The following PTPRT variants were observed in gnomAD, a reference collection of about 807,000 sequenced individuals.
The protein encoded by PTPRT is receptor-type tyrosine-protein phosphatase T.
In PTPRT, 56 loss-of-function variants were observed where a neutral mutation model predicts 176.8. That is an observed-to-expected ratio of 0.32 (90% CI 0.26 to 0.40). The LOEUF (loss-of-function observed/expected upper bound fraction) is 0.40, where lower values mean the gene tolerates loss of function less well. Among genes scored for constraint, PTPRT ranks in the 10% least tolerant of loss-of-function variants. The pLI is 1.00. For synonymous variants in PTPRT, 783 were observed against 739.0 expected, an observed-to-expected ratio of 1.06 and a Z score of -0.96; for missense variants, 1,540 against 1,908.2, an observed-to-expected ratio of 0.81 and a Z score of 3.60.
intron 7 of PTPRT, among the ~76,000 whole-genome samples, chr20:42,474,977 A>G (rs537499683): frequency 6.6e-6 from 1 of 152,320 alleles, no homozygotes; most frequent in East Asian, 1.9e-4. Flanking sequence ...GGAGAAGAGG[A>G]ACACTTAAGA....
chr20:43,032,892 G>C (rs367788681), intron 1 of PTPRT, among the ~76,000 whole-genome samples: 4 of 152,146 alleles, frequency 2.6e-5, no homozygotes, highest in African/African-American at 7.2e-5. Flanking sequence ...AGATATAAAC[G>C]CATGATGTGC....
chr20:42,105,631 A>AT (rs1248356943), intron 24 of PTPRT, among the ~76,000 whole-genome samples: 1 of 152,162 alleles, frequency 6.6e-6, no homozygotes, highest in Non-Finnish European at 1.5e-5. Context: ...GCATTTGAAT[A>AT]TGTCTCCCCA....
intron 1 of PTPRT, among the ~76,000 whole-genome samples, chr20:42,942,575 T>C: frequency 6.6e-6 from 1 of 152,220 alleles, no homozygotes; most frequent in East Asian, 1.9e-4. Context: ...AGCAGAAGCT[T>C]TATCTCGTTC....
intron 7 of PTPRT, among the ~76,000 whole-genome samples, chr20:42,539,572 A>T (rs1266316656): frequency 6.6e-6 from 1 of 151,970 alleles, no homozygotes; most frequent in Non-Finnish European, 1.5e-5. Context: ...GAAAGCATCA[A>T]ACATGAAAGA....
rs371107758 is a variant in PTPRT at position 42,170,835 on chromosome 20, A to T, written c.2492-9293T>A. Among the ~76,000 whole-genome samples the T allele has an allele frequency of 2.0e-4, 31 of 152,256 alleles. 1 individual carries two copies. The South Asian group carries it at 6.4e-3, about 32-fold the overall frequency. On this transcript the variant is annotated intron_variant, in intron 16 of 30. Coordinates refer to ENST00000373187, the MANE Select transcript of PTPRT (RefSeq NM_007050.6). Reference sequence around the variant, plus strand: ...CTTATCAGGACACAATATTAAAACAACTCATTGGCAAAATAAAAACTTAAA... The same window carrying T: ...CTTATCAGGACACAATATTAAAACATCTCATTGGCAAAATAAAAACTTAAA...
In PTPRT at chr20:42,515,480, T is replaced by TAAAAACA. The variant is rs1405579452; in HGVS notation, c.1154-42925_1154-42919dup. Among the ~76,000 whole-genome samples the TAAAAACA allele has an allele frequency of 2.6e-5, 4 of 152,120 alleles. No homozygotes were observed. In the South Asian group the frequency reaches 8.3e-4, roughly 32 times the overall value. On this transcript the variant is annotated intron_variant, in intron 7 of 30. Transcript: ENST00000373187. The stretch of plus-strand genomic sequence containing the variant: ...CCTGAGTGACAGAGCAAGACTCCAT[T>TAAAAACA]AAAAACAAAAAACAAAAAACATGGA...
rs60958847 is a variant in PTPRT at position 42,743,717 on chromosome 20, C to CA, written c.859+12744dup. 7.6e-3 allele frequency among the ~76,000 whole-genome samples: 1,157 copies of CA among 152,278 alleles called. 14 individuals carry two copies. Among genetic ancestry groups the CA allele is most frequent in the African/African-American group, 0.026 (1,098 of 41,548 alleles). ...TGGATCAAAATGAGCACATGTTGTG[C>CA]AAGGGGCATGGGTGAAGTTTAAAAA... On this transcript the variant is annotated intron_variant, in intron 6 of 30. Transcript: ENST00000373187.
rs563066720 is a variant in PTPRT at position 43,084,817 on chromosome 20, A to T, written c.88+104829T>A. On this transcript the variant is annotated intron_variant, in intron 1 of 30. Transcript: ENST00000373187. ...AACAAAAATATCAGAAGGAAATACA[A>T]CAAAATATTAAATATGGCTGTCTCT... Among the ~76,000 whole-genome samples, 4 of 152,318 alleles carry T rather than the reference A, an allele frequency of 2.6e-5. No individual in the cohort carries two copies. The South Asian group carries it at 8.3e-4, about 32-fold the overall frequency.
chr20:42,584,349 T>G (rs6072800), intron 7 of PTPRT, among the ~76,000 whole-genome samples: 53,064 of 152,022 alleles, frequency 0.35, 9,739 homozygotes, highest in South Asian at 0.53. Context: ...CCAGCCCCAC[T>G]GGCCTCCCTG....
rs116991489 is a variant in PTPRT at position 43,029,462 on chromosome 20, G to A, written c.89-143530C>T. ...TCCAGAAACAAATCAGATGTATCACGTAGCACTTCATTCTCCTACCTTCAA... is the reference window on the plus strand; with the variant it reads ...TCCAGAAACAAATCAGATGTATCACATAGCACTTCATTCTCCTACCTTCAA... On this transcript the variant is annotated intron_variant, in intron 1 of 30. Coordinates refer to ENST00000373187, the MANE Select transcript of PTPRT (RefSeq NM_007050.6). 6.7e-4 allele frequency among the ~76,000 whole-genome samples: 102 copies of A among 152,306 alleles called. No individual in the cohort carries two copies. In the East Asian group the frequency reaches 0.016, roughly 24 times the overall value.
intron 9 of PTPRT, among the ~76,000 whole-genome samples, chr20:42,403,239 C>T (rs1356784657): frequency 6.6e-6 from 1 of 152,134 alleles, no homozygotes; most frequent in Admixed American, 6.6e-5. Context: ...TCCTTATCAA[C>T]ATTTTTAATG....
chr20:42,986,696 T>C (rs936136437), intron 1 of PTPRT, among the ~76,000 whole-genome samples: 2 of 152,212 alleles, frequency 1.3e-5, no homozygotes, highest in Admixed American at 1.3e-4. Flanking sequence ...GGAGTTTACA[T>C]GGATTTATCT....
At chr20:43,100,359 A>G (rs964511873) in intron 1 of PTPRT, among the ~76,000 whole-genome samples, 2 of 152,196 alleles carry the variant, frequency 1.3e-5, no homozygotes, top group East Asian at 1.9e-4. Flanking sequence ...CCTGGGCAAC[A>G]GGGTGACTCT....
Position 42,756,479 on chromosome 20 carries a change from G to C in PTPRT, c.842C>G (p.Ala281Gly). 1.3e-6 allele frequency: 2 copies of C among 1,583,630 alleles called. No individual in the cohort carries two copies. The highest frequency in any genetic ancestry group is 1.7e-6 in the Non-Finnish European group (2 of 1,161,488). The change falls in exon 6 of 31, where the codon GCG becomes GGG. Residue 281 changes from alanine (A) to glycine (G), a missense_variant. Ala to Gly is a moderately conservative substitution (Grantham distance 60). Transcript: ENST00000373187. ...GCACTCACCTTTCACGATCAGCTCC[G>C]CGTAGTTGGACACACCAGACCCACC... ...SDGGSGVSNY[A>G]ELIVKEPPTP...
intron 23 of PTPRT, among the ~76,000 whole-genome samples, chr20:42,109,424 G>A (rs1220319417): frequency 1.3e-5 from 2 of 152,096 alleles, no homozygotes; most frequent in Non-Finnish European, 2.9e-5. Context: ...CTCCATTTGG[G>A]AGGATTCAAA....
chr20:42,833,392 C>T (rs544069159), intron 2 of PTPRT, among the ~76,000 whole-genome samples: 3 of 148,256 alleles, frequency 2.0e-5, no homozygotes, highest in Non-Finnish European at 3.0e-5. Context: ...GATAACATAG[C>T]GAGACCCCCC....
intron 9 of PTPRT, among the ~76,000 whole-genome samples, chr20:42,426,251 G>A (rs575137376): frequency 2.0e-5 from 3 of 151,966 alleles, no homozygotes; most frequent in South Asian, 2.1e-4. Flanking sequence ...CCCAAACCCC[G>A]GGCTCCACAA....
intron 2 of PTPRT, among the ~76,000 whole-genome samples, chr20:42,836,033 C>G (rs1002461235): frequency 3.3e-5 from 5 of 151,968 alleles, no homozygotes; most frequent in Non-Finnish European, 5.9e-5. Context: ...TCTGTTTGCC[C>G]CTGGTCTAAT....
At chr20:42,623,714 G>A (rs1600491128) in intron 7 of PTPRT, among the ~76,000 whole-genome samples, 2 of 152,100 alleles carry the variant, frequency 1.3e-5, no homozygotes, top group South Asian at 2.1e-4. Context: ...CTTCTTCTGG[G>A]ACCCCTTGTT....
Sources: gnomAD v4.1 joint callset for allele counts (sites outside exome capture counted in the v4.1 genomes callset) on GRCh38, gnomAD v4.1.1 for gene constraint, MANE v1.5 for transcripts, NCBI Gene and HGNC (gene_info 2026-07-23, HGNC 2026-07-21) for gene names.